The following SNX18 variants were observed in gnomAD, a reference collection of about 807,000 sequenced individuals.
The protein encoded by SNX18 is sorting nexin-18.
SNX18 carries 35 observed loss-of-function variants against 48.7 expected under a neutral mutation model. The ratio of observed to expected loss-of-function variants is 0.72; its 90% CI spans 0.55 to 0.95. The LOEUF is 0.95. Among genes scored for constraint, SNX18 ranks in the 40% least tolerant of loss-of-function variants. The pLI, the probability that SNX18 is intolerant of heterozygous loss-of-function variation, is 0.00. For synonymous variants in SNX18, 492 were observed against 384.7 expected, an observed-to-expected ratio of 1.28 and a Z score of -3.26; for missense variants, 824 against 871.0, an observed-to-expected ratio of 0.95 and a Z score of 0.68.
the SNX18 span, among the ~76,000 whole-genome samples, chr5:54,583,706 T>C: frequency 6.6e-6 from 1 of 152,250 alleles, no homozygotes; most frequent in African/African-American, 2.4e-5. Flanking sequence ...TGTAGAACCA[T>C]ATGCCCCACT....
chr5:54,581,076 G>A, the SNX18 span, among the ~76,000 whole-genome samples: 1 of 152,108 alleles, frequency 6.6e-6, no homozygotes, highest in Admixed American at 6.5e-5. Flanking sequence ...TGGTCGCAAG[G>A]AAGCAGAGGG....
At chr5:54,645,151 G>C in the SNX18 span, 7 of 152,054 alleles carry the variant, frequency 4.6e-5, no homozygotes, top group African/African-American at 1.7e-4. Flanking sequence ...TCTATTTGCC[G>C]GTACTAAAAC....
chr5:54,588,997 A>G, the SNX18 span, among the ~76,000 whole-genome samples: 13 of 152,200 alleles, frequency 8.5e-5, no homozygotes, highest in Non-Finnish European at 7.3e-5. Context: ...TAAGAGAAAA[A>G]TAAACTTCTA....
chr5:54,621,076 G>T, the SNX18 span, among the ~76,000 whole-genome samples: 3 of 152,170 alleles, frequency 2.0e-5, no homozygotes, highest in Non-Finnish European at 2.9e-5. Context: ...CTATGAGTAT[G>T]AATTAGAGTA....
chr5:54,562,288 C>G, the SNX18 span, among the ~76,000 whole-genome samples: 4 of 152,004 alleles, frequency 2.6e-5, no homozygotes, highest in African/African-American at 9.7e-5. Context: ...TTCTTAATGA[C>G]GATGGATTCT....
At chr5:54,577,585 G>A in the SNX18 span, among the ~76,000 whole-genome samples, 10 of 152,238 alleles carry the variant, frequency 6.6e-5, no homozygotes, top group South Asian at 2.1e-4. Context: ...ATGGCAGAGC[G>A]AGGATTAGTT....
the SNX18 span, among the ~76,000 whole-genome samples, chr5:54,555,173 T>C: frequency 2.0e-5 from 3 of 152,234 alleles, no homozygotes; most frequent in African/African-American, 7.2e-5. Context: ...CATTACCTGC[T>C]ACTGGCAGCT....
intron 1 of SNX18, among the ~76,000 whole-genome samples, chr5:54,530,622 G>A (rs577635562): frequency 1.3e-5 from 2 of 151,530 alleles, no homozygotes; most frequent in South Asian, 4.2e-4. Flanking sequence ...ATGGTGCTTT[G>A]TGTTTTATAT....
the SNX18 span, among the ~76,000 whole-genome samples, chr5:54,582,733 A>G: frequency 6.6e-6 from 1 of 152,224 alleles, no homozygotes; most frequent in Admixed American, 6.5e-5. Context: ...TCAAGGCTGC[A>G]GTGAGCTACG....
At chr5:54,611,212 A>T in the SNX18 span, among the ~76,000 whole-genome samples, 9 of 152,174 alleles carry the variant, frequency 5.9e-5, no homozygotes, top group Non-Finnish European at 8.8e-5. Flanking sequence ...TGAGAGATAT[A>T]TTTTAAACAT....
chr5:54,631,440 G>C, the SNX18 span, among the ~76,000 whole-genome samples: 2 of 151,998 alleles, frequency 1.3e-5, no homozygotes, highest in African/African-American at 4.8e-5. Context: ...AAACAATTTG[G>C]TAATGCTTTT....
chr5:54,536,911 T>A (rs1421047527), intron 1 of SNX18, among the ~76,000 whole-genome samples: 5 of 152,220 alleles, frequency 3.3e-5, no homozygotes, highest in African/African-American at 1.2e-4. Flanking sequence ...GATTTTCTAA[T>A]GATTGCCATT....
chr5:54,598,353 T>C, the SNX18 span, among the ~76,000 whole-genome samples: 40 of 152,216 alleles, frequency 2.6e-4, no homozygotes, highest in Admixed American at 5.2e-4. Context: ...TTCCAAACAA[T>C]TGAAAAGGAG....
chr5:54,529,883 G>T (rs1428275910), intron 1 of SNX18, among the ~76,000 whole-genome samples: 2 of 152,156 alleles, frequency 1.3e-5, no homozygotes, highest in African/African-American at 4.8e-5. Flanking sequence ...ATCAGCTATT[G>T]TATTAGTTTC....
chr5:54,540,211 C>CTT (rs58582682), intron 1 of SNX18, among the ~76,000 whole-genome samples: 63,658 of 139,468 alleles, frequency 0.46, 14,041 homozygotes, highest in Middle Eastern at 0.5. Flanking sequence ...TAGACTTGTT[C>CTT]TTTTTTTTTT....
the SNX18 span, among the ~76,000 whole-genome samples, chr5:54,632,931 T>C: frequency 2.6e-5 from 4 of 151,978 alleles, no homozygotes; most frequent in African/African-American, 9.7e-5. Context: ...ACCGCCACCA[T>C]GCCCAGCTAA....
the SNX18 span, among the ~76,000 whole-genome samples, chr5:54,585,722 G>A: frequency 1.1e-4 from 17 of 151,900 alleles, no homozygotes; most frequent in African/African-American, 9.7e-5. Flanking sequence ...CTCCTTCCCC[G>A]GCCGGGCGCG....
chr5:54,624,790 T>G, the SNX18 span, among the ~76,000 whole-genome samples: 1 of 152,158 alleles, frequency 6.6e-6, no homozygotes, highest in African/African-American at 2.4e-5. Context: ...AGCAGACAGG[T>G]CTAAAGCAAT....
chr5:54,526,635 A>ATC (rs1348335609), intron 1 of SNX18, among the ~76,000 whole-genome samples: 3 of 152,186 alleles, frequency 2.0e-5, no homozygotes, highest in Admixed American at 6.5e-5. Flanking sequence ...TTATTCAACA[A>ATC]ATACGTATGT....
Sources: allele counts gnomAD v4.1 joint callset (sites outside exome capture counted in the v4.1 genomes callset), GRCh38; gene constraint gnomAD v4.1.1; transcripts MANE v1.5; gene names NCBI Gene and HGNC (gene_info 2026-07-23, HGNC 2026-07-21).